IL1RAP: variants seen among roughly 807,000 people sequenced by gnomAD.
The protein encoded by IL1RAP is interleukin 1 receptor accessory protein, also known as interleukin-1 receptor accessory protein.
Under a neutral mutation model 60.7 loss-of-function variants are expected in IL1RAP, and 35 were observed. That is an observed-to-expected ratio of 0.58 (90% CI 0.44 to 0.76). The LOEUF (loss-of-function observed/expected upper bound fraction) is 0.76, where lower values mean the gene tolerates loss of function less well. Among genes scored for constraint, IL1RAP ranks in the 30% least tolerant of loss-of-function variants. The pLI is 0.00. For synonymous variants in IL1RAP, 268 were observed against 250.9 expected, an observed-to-expected ratio of 1.07 and a Z score of -0.64; for missense variants, 572 against 693.9, an observed-to-expected ratio of 0.82 and a Z score of 1.97.
intron 9 of IL1RAP, among the ~76,000 whole-genome samples, chr3:190,631,787 A>T (rs530066525): frequency 1.3e-5 from 2 of 151,974 alleles, no homozygotes; most frequent in East Asian, 3.9e-4. Flanking sequence ...TTTATATTTT[A>T]TGTATTTATT....
At chr3:190,567,905 C>T (rs764274240) in intron 3 of IL1RAP, among the ~76,000 whole-genome samples, 2 of 152,148 alleles carry the variant, frequency 1.3e-5, no homozygotes, top group African/African-American at 2.4e-5. Context: ...GAAACTTCAG[C>T]TCAATACACG....
intron 11 of IL1RAP, among the ~76,000 whole-genome samples, chr3:190,646,294 G>A (rs1323141874): frequency 1.3e-5 from 2 of 151,966 alleles, no homozygotes; most frequent in South Asian, 2.1e-4. Flanking sequence ...GAAGAGTGTG[G>A]GTAGAATTTT....
chr3:190,623,506 CTG>C, intron 7 of IL1RAP, 91 bp downstream of exon 7: 1 of 923,592 alleles, frequency 1.1e-6, no homozygotes, highest in Non-Finnish European at 1.8e-6. Context: ...AAATAGACGA[CTG>C]TTGTAGAGAA....
intron 1 of IL1RAP, among the ~76,000 whole-genome samples, chr3:190,544,801 T>A: frequency 6.6e-6 from 1 of 152,240 alleles, no homozygotes; most frequent in East Asian, 1.9e-4. Flanking sequence ...TGAAAGGCCC[T>A]GAAAGAAGTC....
chr3:190,519,313 C>A (rs2108591135), intron 1 of IL1RAP, among the ~76,000 whole-genome samples: 1 of 152,194 alleles, frequency 6.6e-6, no homozygotes, highest in East Asian at 1.9e-4. Flanking sequence ...TTTTTCTGAA[C>A]AAACAAAGAT....
Position 190,644,249 on chromosome 3 carries a change from G to T in IL1RAP, c.1053G>T (p.Val351=). The change falls in exon 10 of 12, where the codon GTG becomes GTT. Residue 351 remains valine, a splice_region_variant and synonymous_variant. Transcript: ENST00000447382. The stretch of plus-strand genomic sequence containing the variant: ...CTGTTTCTTTGTTGTTCATTCCAGT[G>T]CCAGCTCCAAGATACACAGTGGAAC... ...VAKAAKVKQK[V]PAPRYTVELA... 1 of 1,611,994 alleles carries T rather than the reference G, an allele frequency of 6.2e-7. No individual in the cohort carries two copies. The highest frequency in any genetic ancestry group is 2.2e-5 in the East Asian group (1 of 44,820).
intron 9 of IL1RAP, among the ~76,000 whole-genome samples, chr3:190,630,604 G>T (rs1283983069): frequency 6.6e-6 from 1 of 152,176 alleles, no homozygotes. Flanking sequence ...AAATGTATAT[G>T]CTGCGTATGA....
chr3:190,586,177 A>C (rs556122195), intron 3 of IL1RAP, among the ~76,000 whole-genome samples: 1 of 152,170 alleles, frequency 6.6e-6, no homozygotes, highest in Non-Finnish European at 1.5e-5. Flanking sequence ...GACACGTTGC[A>C]TCTTTATTTT....
At chr3:190,648,314 C>A in intron 11 of IL1RAP, 24 bp from the exon 12 acceptor site, 2 of 1,552,712 alleles carry the variant, frequency 1.3e-6, no homozygotes, top group Non-Finnish European at 8.6e-7. Context: ...CAACACTAAT[C>A]CCCATGGTTG....
At chr3:190,619,318 T>C (rs1031262765) in intron 5 of IL1RAP, among the ~76,000 whole-genome samples, 2 of 152,238 alleles carry the variant, frequency 1.3e-5, no homozygotes, top group Admixed American at 1.3e-4. Flanking sequence ...AATTTCTCAA[T>C]TTTAAATGTC....
chr3:190,655,299 A>G (rs1292156037), downstream of IL1RAP, among the ~76,000 whole-genome samples: 1 of 152,192 alleles, frequency 6.6e-6, no homozygotes, highest in Non-Finnish European at 1.5e-5. Flanking sequence ...GTAAACATGC[A>G]GAGGAGACAT....
chr3:190,589,285 C>T (rs1728739340), intron 3 of IL1RAP, among the ~76,000 whole-genome samples: 1 of 152,186 alleles, frequency 6.6e-6, no homozygotes. Context: ...AGCACCCCCA[C>T]CTCTTGAATT....
chr3:190,530,433 T>G (rs1722893232), intron 1 of IL1RAP, among the ~76,000 whole-genome samples: 1 of 152,160 alleles, frequency 6.6e-6, no homozygotes, highest in South Asian at 2.1e-4. Context: ...TCCCAGAACT[T>G]TCTTCTGTTC....
chr3:190,596,695 GA>G (rs912044818), intron 3 of IL1RAP, among the ~76,000 whole-genome samples: 5 of 152,248 alleles, frequency 3.3e-5, no homozygotes, highest in Admixed American at 3.3e-4. Flanking sequence ...GGAGTAAACT[GA>G]ATAAGAAGGG....
intron 5 of IL1RAP, among the ~76,000 whole-genome samples, chr3:190,615,537 C>T (rs913584295): frequency 2.0e-5 from 3 of 152,136 alleles, no homozygotes; most frequent in African/African-American, 7.2e-5. Flanking sequence ...ATCAAAAGAA[C>T]CATTTTATTG....
At chr3:190,587,798 T>C (rs1331223388) in intron 3 of IL1RAP, among the ~76,000 whole-genome samples, 4 of 152,050 alleles carry the variant, frequency 2.6e-5, no homozygotes. Flanking sequence ...GAACCTGAGG[T>C]CAGTGGATAG....
At chr3:190,614,196 A>G (rs1405080682) in intron 5 of IL1RAP, among the ~76,000 whole-genome samples, 2 of 150,578 alleles carry the variant, frequency 1.3e-5, no homozygotes, top group East Asian at 4.0e-4. Flanking sequence ...ACTTATTTGC[A>G]TTACTAAAAG....
intron 11 of IL1RAP, among the ~76,000 whole-genome samples, chr3:190,647,772 A>G (rs1734119305): frequency 6.6e-6 from 1 of 152,262 alleles, no homozygotes; most frequent in Non-Finnish European, 1.5e-5. Flanking sequence ...TAGTGATGTT[A>G]GAGTCAGAGA....
At chr3:190,532,623 A>G (rs140073313) in intron 1 of IL1RAP, among the ~76,000 whole-genome samples, 1 of 152,158 alleles carries the variant, frequency 6.6e-6, no homozygotes, top group Non-Finnish European at 1.5e-5. Context: ...AGTAGCTTGT[A>G]CAGCTGTGGA....
Sources: gnomAD v4.1 joint callset for allele counts (sites outside exome capture counted in the v4.1 genomes callset) on GRCh38, gnomAD v4.1.1 for gene constraint, MANE v1.5 for transcripts, NCBI Gene and HGNC (gene_info 2026-07-23, HGNC 2026-07-21) for gene names.